Variants in IQCM observed in about 807,000 individuals in gnomAD.
IQCM encodes the protein IQ motif containing M, also known as IQ domain-containing protein M.
IQCM carries 45 observed loss-of-function variants against 57.6 expected under a neutral mutation model. That is an observed-to-expected ratio of 0.78 (90% CI 0.62 to 1.00). The LOEUF (loss-of-function observed/expected upper bound fraction) is 1.00, where lower values mean the gene tolerates loss of function less well. IQCM is among the 50% of genes least tolerant of loss of function. The pLI is 0.00. For missense variants in IQCM, 468 were observed against 511.6 expected (o/e 0.91, Z 0.82); for synonymous variants, 148 against 158.9 (o/e 0.93, Z 0.51).
intron 12 of IQCM, among the ~76,000 whole-genome samples, chr4:149,481,994 C>T (rs904126714): frequency 6.6e-6 from 1 of 150,970 alleles, no homozygotes; most frequent in African/African-American, 2.4e-5. Context: ...GATCTCTTTA[C>T]TTCTCTGGTT....
intron 5 of IQCM, among the ~76,000 whole-genome samples, chr4:149,704,686 T>C (rs1163006066): frequency 6.6e-6 from 1 of 151,862 alleles, no homozygotes; most frequent in African/African-American, 2.4e-5. Flanking sequence ...GCAGGTGTGA[T>C]GATTAATTTT....
chr4:149,462,542 G>A (rs1738417008), intron 12 of IQCM, among the ~76,000 whole-genome samples: 1 of 152,070 alleles, frequency 6.6e-6, no homozygotes, highest in East Asian at 1.9e-4. Context: ...ACATAAAACA[G>A]TACAAAATTG....
chr4:149,402,565 G>A (rs368089191), intron 13 of IQCM, among the ~76,000 whole-genome samples: 9 of 151,790 alleles, frequency 5.9e-5, no homozygotes, highest in Non-Finnish European at 1.5e-5. Context: ...TAAGAGAGGA[G>A]AGAATACTGA....
intron 13 of IQCM, among the ~76,000 whole-genome samples, chr4:149,354,306 G>A (rs1334750547): frequency 4.9e-5 from 6 of 122,398 alleles, no homozygotes; most frequent in Non-Finnish European, 9.6e-5. Flanking sequence ...GGAGCTTGCA[G>A]TGAGCCGAGA....
intron 7 of IQCM, among the ~76,000 whole-genome samples, chr4:149,630,453 G>A (rs1037912953): frequency 2.0e-5 from 3 of 152,174 alleles, no homozygotes; most frequent in African/African-American, 7.2e-5. Context: ...GAAAGACAGA[G>A]GTCCTGGGGA....
chr4:149,558,855 T>G (rs185385703), intron 10 of IQCM, among the ~76,000 whole-genome samples: 19 of 152,278 alleles, frequency 1.2e-4, no homozygotes, highest in African/African-American at 4.6e-4. Flanking sequence ...CCTTCTGAAT[T>G]TTGGACCCAT....
At chr4:149,696,715 T>G (rs1188706078) in intron 5 of IQCM, among the ~76,000 whole-genome samples, 2 of 152,182 alleles carry the variant, frequency 1.3e-5, no homozygotes, top group African/African-American at 2.4e-5. Context: ...TGCTTCAGGC[T>G]ATGAGTCAGC....
At chr4:149,698,463 A>T (rs1460893368) in intron 5 of IQCM, among the ~76,000 whole-genome samples, 1 of 152,148 alleles carries the variant, frequency 6.6e-6, no homozygotes, top group African/African-American at 2.4e-5. Context: ...TTAAATGCTT[A>T]AGAATATAAA....
intron 13 of IQCM, among the ~76,000 whole-genome samples, chr4:149,381,526 C>A (rs932832622): frequency 1.3e-5 from 2 of 152,108 alleles, no homozygotes; most frequent in African/African-American, 4.8e-5. Context: ...ACACTCTCTT[C>A]TCAGGCCCTT....
In IQCM at chr4:149,733,506, A is replaced by C. The variant is rs1034352967; in HGVS notation, c.123T>G (p.Asn41Lys). Reference sequence around the variant, plus strand: ...CATTTATAGAAGTACCTTGAACTTTATTCTATGAATAAAACAAAAATAGAT... The same window carrying C: ...CATTTATAGAAGTACCTTGAACTTTCTTCTATGAATAAAACAAAAATAGAT... ...IAQHYEKINE[N>K]KVQGTSINVF... Residue 41 changes from asparagine (N) to lysine (K), a missense_variant and splice_region_variant, in exon 5 of 14, where the codon AAT becomes AAG. Physicochemically the swap from Asn to Lys is moderately conservative, Grantham distance 94. Transcript: ENST00000636793. The C allele has an allele frequency of 5.8e-5, 71 of 1,219,612 alleles. No homozygotes were observed. The highest frequency in any genetic ancestry group is 6.9e-5 in the Non-Finnish European group (67 of 976,734). The allele number at this position is 1,219,612 out of a possible 1,614,324, so 75.5% of individuals were successfully genotyped here.
intron 7 of IQCM, among the ~76,000 whole-genome samples, chr4:149,666,690 G>T (rs1035947859): frequency 6.6e-6 from 1 of 152,228 alleles, no homozygotes; most frequent in East Asian, 1.9e-4. Flanking sequence ...TGAAATTCTC[G>T]CTGTCAGCAC....
intron 13 of IQCM, among the ~76,000 whole-genome samples, chr4:149,400,193 T>A (rs1732516678): frequency 6.6e-6 from 1 of 151,718 alleles, no homozygotes; most frequent in South Asian, 2.1e-4. Context: ...CCCTGGGACA[T>A]CAGGAATAGG....
intron 9 of IQCM, among the ~76,000 whole-genome samples, chr4:149,573,785 TA>T (rs1751386286): frequency 4.7e-5 from 7 of 150,282 alleles, no homozygotes; most frequent in African/African-American, 1.7e-4. Context: ...AAAAAAAAAT[TA>T]AAATTAAAAA....
At chr4:149,668,522 A>G (rs903380757) in intron 7 of IQCM, among the ~76,000 whole-genome samples, 1 of 152,106 alleles carries the variant, frequency 6.6e-6, no homozygotes, top group African/African-American at 2.4e-5. Context: ...AGCGGGGGGC[A>G]AGGGGAGGGA....
intron 7 of IQCM, among the ~76,000 whole-genome samples, chr4:149,655,045 T>C (rs1436290158): frequency 6.6e-6 from 1 of 152,178 alleles, no homozygotes; most frequent in Non-Finnish European, 1.5e-5. Flanking sequence ...TCATTTCTAT[T>C]ATACACCACT....
At chr4:149,442,745 T>A (rs556726037) in intron 12 of IQCM, among the ~76,000 whole-genome samples, 3 of 152,036 alleles carry the variant, frequency 2.0e-5, no homozygotes, top group Non-Finnish European at 4.4e-5. Flanking sequence ...TGAGTCCTTA[T>A]GAGCAGAATC....
intron 12 of IQCM, among the ~76,000 whole-genome samples, chr4:149,494,858 G>A (rs1276799892): frequency 1.6e-4 from 24 of 152,040 alleles, no homozygotes; most frequent in African/African-American, 2.4e-5. Flanking sequence ...AGTTAATATC[G>A]TGATCTGACT....
chr4:149,432,656 T>G (rs1054686026), intron 13 of IQCM, among the ~76,000 whole-genome samples: 4 of 152,000 alleles, frequency 2.6e-5, no homozygotes, highest in Non-Finnish European at 5.9e-5. Flanking sequence ...AATTGAAAAC[T>G]TCTGCTCTTC....
intron 13 of IQCM, among the ~76,000 whole-genome samples, chr4:149,395,846 A>G (rs985254993): frequency 1.3e-5 from 2 of 152,008 alleles, no homozygotes; most frequent in Non-Finnish European, 2.9e-5. Flanking sequence ...TGTAACCCTG[A>G]AAACACTAAT....
Sources: gnomAD v4.1 joint callset for allele counts (sites outside exome capture counted in the v4.1 genomes callset) on GRCh38, gnomAD v4.1.1 for gene constraint, MANE v1.5 for transcripts, NCBI Gene and HGNC (gene_info 2026-07-23, HGNC 2026-07-21) for gene names.